Variants in TGFA observed in about 807,000 individuals in gnomAD.
TGFA encodes transforming growth factor alpha.
TGFA carries 12 observed loss-of-function variants against 21.7 expected under a neutral mutation model. That is an observed-to-expected ratio of 0.55 (90% CI 0.35 to 0.90). The LOEUF is 0.90. TGFA is among the 40% of genes least tolerant of loss of function. The pLI is 0.01. For synonymous variants in TGFA, 79 were observed against 88.1 expected, an observed-to-expected ratio of 0.90 and a Z score of 0.58; for missense variants, 178 against 210.8, an observed-to-expected ratio of 0.84 and a Z score of 0.96.
intron 2 of TGFA, 133 bp downstream of exon 2, chr2:70,514,726 G>C: frequency 3.2e-6 from 3 of 947,066 alleles, no homozygotes; most frequent in Non-Finnish European, 4.9e-6. Flanking sequence ...CTGAGGAGGG[G>C]GCAGAGAGGA....
At chr2:70,539,699 C>T (rs901350644) in intron 1 of TGFA, among the ~76,000 whole-genome samples, 12 of 152,188 alleles carry the variant, frequency 7.9e-5, no homozygotes, top group Non-Finnish European at 1.6e-4. Context: ...AAGTGATCTG[C>T]CCGCCTCGGC....
chr2:70,484,100 T>C (rs371693659), intron 2 of TGFA, among the ~76,000 whole-genome samples: 2 of 152,246 alleles, frequency 1.3e-5, no homozygotes, highest in African/African-American at 4.8e-5. Flanking sequence ...GAAATTGAAC[T>C]CTACCTAGTG....
chr2:70,479,083 G>A (rs1490939231), intron 2 of TGFA, among the ~76,000 whole-genome samples: 1 of 151,692 alleles, frequency 6.6e-6, no homozygotes, highest in Non-Finnish European at 1.5e-5. Context: ...AATTAATTTT[G>A]ACATCTGTAC....
intron 1 of TGFA, among the ~76,000 whole-genome samples, chr2:70,549,319 G>T (rs569865022): frequency 3.3e-4 from 51 of 152,250 alleles, no homozygotes; most frequent in African/African-American, 1.2e-3. Flanking sequence ...GCGTCTGAAC[G>T]TACTTTAGGT....
At chr2:70,453,099 A>C (rs535706823) in intron 5 of TGFA, 119 bp downstream of exon 5, 1 of 892,062 alleles carries the variant, frequency 1.1e-6, no homozygotes, top group Non-Finnish European at 1.7e-6. Flanking sequence ...AGAATGAAAC[A>C]GTCTCTTCCT....
chr2:70,451,813 T>G (rs782573216), intron 5 of TGFA: 3 of 684,042 alleles, frequency 4.4e-6, no homozygotes, highest in Non-Finnish European at 7.9e-6. Context: ...TCATCCTCAC[T>G]CCCCCACTGA....
intron 2 of TGFA, among the ~76,000 whole-genome samples, chr2:70,502,288 C>T (rs559989018): frequency 6.6e-6 from 1 of 152,362 alleles, no homozygotes; most frequent in East Asian, 1.9e-4. Flanking sequence ...TTCCATGACC[C>T]TACTTCCCAA....
chr2:70,528,069 C>T (rs1466774550), intron 1 of TGFA, among the ~76,000 whole-genome samples: 1 of 152,190 alleles, frequency 6.6e-6, no homozygotes, highest in African/African-American at 2.4e-5. Flanking sequence ...TCACTTCCAG[C>T]CTTTGCCATC....
At chr2:70,462,498 G>A (rs111743878) in intron 3 of TGFA, among the ~76,000 whole-genome samples, 1,919 of 152,306 alleles carry the variant, frequency 0.013, 56 homozygotes, top group African/African-American at 0.044. Flanking sequence ...GGAATTTTGG[G>A]GAGAGGTGGA....
At chr2:70,528,454 C>T (rs1171930624) in intron 1 of TGFA, among the ~76,000 whole-genome samples, 3 of 127,628 alleles carry the variant, frequency 2.4e-5, no homozygotes, top group Non-Finnish European at 4.7e-5. Flanking sequence ...ACAATGATCC[C>T]TGTGGAAAGA....
intron 5 of TGFA, among the ~76,000 whole-genome samples, chr2:70,451,273 C>T (rs1670050180): frequency 6.6e-6 from 1 of 152,166 alleles, no homozygotes; most frequent in African/African-American, 2.4e-5. Context: ...AGAATGGACC[C>T]ATTTATTTTT....
chr2:70,457,030 C>T (rs1299740621), intron 3 of TGFA, among the ~76,000 whole-genome samples: 1 of 152,188 alleles, frequency 6.6e-6, no homozygotes, highest in Non-Finnish European at 1.5e-5. Flanking sequence ...CACTACTCTC[C>T]TGTGAACTCT....
At chr2:70,470,852 A>T (rs1670720977) in intron 2 of TGFA, among the ~76,000 whole-genome samples, 1 of 152,120 alleles carries the variant, frequency 6.6e-6, no homozygotes, top group African/African-American at 2.4e-5. Flanking sequence ...TTGTTTATTA[A>T]AAAAAACCCT....
intron 1 of TGFA, among the ~76,000 whole-genome samples, chr2:70,552,025 A>T (rs1673525908): frequency 1.3e-5 from 2 of 152,286 alleles, no homozygotes; most frequent in East Asian, 1.9e-4. Context: ...TTCAATAGGA[A>T]ACTCAATTTA....
chr2:70,553,552 C>G, intron 1 of TGFA, 176 bp downstream of exon 1: 1 of 1,352,794 alleles, frequency 7.4e-7, no homozygotes, highest in South Asian at 2.0e-5. Flanking sequence ...CGGACAGTCC[C>G]CTCTTTGTCA....
At chr2:70,458,073 C>G (rs1489280334) in intron 3 of TGFA, among the ~76,000 whole-genome samples, 1 of 152,112 alleles carries the variant, frequency 6.6e-6, no homozygotes, top group Non-Finnish European at 1.5e-5. Context: ...TGACTTTCAA[C>G]GGCTCAGGGG....
intron 1 of TGFA, among the ~76,000 whole-genome samples, chr2:70,532,272 G>C (rs1672834269): frequency 6.6e-6 from 1 of 152,192 alleles, no homozygotes; most frequent in Non-Finnish European, 1.5e-5. Flanking sequence ...AGGGAGTTTA[G>C]AACAATCCAG....
intron 2 of TGFA, among the ~76,000 whole-genome samples, chr2:70,467,025 C>T (rs1156266304): frequency 6.6e-6 from 1 of 151,458 alleles, no homozygotes; most frequent in East Asian, 2.0e-4. Flanking sequence ...GGAGTGTTCT[C>T]CCCCCATACC....
intron 1 of TGFA, among the ~76,000 whole-genome samples, chr2:70,517,410 A>C (rs1452969906): frequency 6.6e-6 from 1 of 152,230 alleles, no homozygotes; most frequent in Non-Finnish European, 1.5e-5. Context: ...ACCCTGGAGC[A>C]GGAGGACAGG....
Sources: allele counts gnomAD v4.1 joint callset (sites outside exome capture counted in the v4.1 genomes callset), GRCh38; gene constraint gnomAD v4.1.1; transcripts MANE v1.5; gene names NCBI Gene and HGNC (gene_info 2026-07-23, HGNC 2026-07-21).